ZPBP: variants seen among roughly 807,000 people sequenced by gnomAD.
ZPBP encodes the protein zona pellucida-binding protein 1.
In ZPBP, 26 loss-of-function variants were observed where a neutral mutation model predicts 44.8. That is an observed-to-expected ratio of 0.58 (90% CI 0.43 to 0.81). ZPBP has a LOEUF of 0.81. ZPBP is among the 30% of genes least tolerant of loss of function. ZPBP has a pLI of 0.00. For synonymous variants in ZPBP, 174 were observed against 153.2 expected (o/e 1.14, Z -1.00); for missense variants, 409 against 434.0 (o/e 0.94, Z 0.51).
chr7:49,973,358 T>G (rs1562811677), intron 7 of ZPBP, among the ~76,000 whole-genome samples: 1 of 151,754 alleles, frequency 6.6e-6, no homozygotes, highest in East Asian at 1.9e-4. Flanking sequence ...TAACAAAAAT[T>G]TATAGCTTTG....
intron 6 of ZPBP, among the ~76,000 whole-genome samples, chr7:49,987,103 C>A (rs1454212356): frequency 1.3e-5 from 2 of 152,092 alleles, no homozygotes; most frequent in Non-Finnish European, 2.9e-5. Flanking sequence ...GATTCTCTTC[C>A]CCTCCACGAA....
intron 2 of ZPBP, among the ~76,000 whole-genome samples, chr7:49,887,534 A>ATAC (rs1554339766): frequency 6.6e-6 from 1 of 151,754 alleles, no homozygotes; most frequent in East Asian, 1.9e-4. Context: ...ACCATGCTGT[A>ATAC]TTCTTAAATG....
At chr7:49,974,102 G>T (rs1227438411) in intron 7 of ZPBP, among the ~76,000 whole-genome samples, 1 of 152,106 alleles carries the variant, frequency 6.6e-6, no homozygotes, top group Non-Finnish European at 1.5e-5. Context: ...AATTCATAGA[G>T]ACCGAAAATA....
intron 5 of ZPBP, among the ~76,000 whole-genome samples, chr7:50,025,825 C>A (rs1344462293): frequency 6.6e-6 from 1 of 151,770 alleles, no homozygotes; most frequent in Non-Finnish European, 1.5e-5. Context: ...AAAAAACCCA[C>A]ACAACATAGA....
chr7:49,962,326 T>A lies in ZPBP; in HGVS notation c.961+21016A>T, dbSNP rs1025993956. ...GTGTATTTTATATTAGGGGAGTTTA[T>A]GTAAGGTTGCTTTAACATATGTCAA... is the stretch of plus-strand genomic sequence containing the variant. On this transcript the variant is annotated intron_variant, in intron 7 of 7. Transcript: ENST00000046087. Among the ~76,000 whole-genome samples the A allele has an allele frequency of 2.6e-5, 4 of 151,896 alleles. No individual in the cohort carries two copies. The East Asian group carries it at 7.7e-4, about 29-fold the overall frequency.
intron 7 of ZPBP, chr7:49,943,419 C>T: frequency 2.5e-6 from 1 of 408,112 alleles, no homozygotes; most frequent in South Asian, 2.1e-5. Flanking sequence ...CAATGGGGAC[C>T]ACATTGCAAA....
At chr7:49,901,484 G>A (rs1037058717) in intron 1 of ZPBP, among the ~76,000 whole-genome samples, 1 of 150,894 alleles carries the variant, frequency 6.6e-6, no homozygotes, top group East Asian at 1.9e-4. Context: ...GAAATACTTA[G>A]GTATAAAATT....
intron 6 of ZPBP, among the ~76,000 whole-genome samples, chr7:50,012,658 T>C (rs1489839032): frequency 6.7e-6 from 1 of 149,898 alleles, no homozygotes; most frequent in Non-Finnish European, 1.5e-5. Flanking sequence ...TTCCTCATTC[T>C]GATAAAAGGT....
chr7:49,852,665 G>GC (rs1790228226), intron 2 of ZPBP, among the ~76,000 whole-genome samples: 2 of 151,808 alleles, frequency 1.3e-5, no homozygotes, highest in South Asian at 4.2e-4. Context: ...TTCAGAAAGA[G>GC]CCCTACCACC....
At chr7:49,932,201 A>AG (rs1413416123) in intron 1 of ZPBP, among the ~76,000 whole-genome samples, 2 of 152,276 alleles carry the variant, frequency 1.3e-5, no homozygotes, top group East Asian at 3.9e-4. Flanking sequence ...TGCCTATTGG[A>AG]GCTGTGAGAA....
chr7:49,871,190 A>C (rs945019902), intron 2 of ZPBP, among the ~76,000 whole-genome samples: 2 of 152,190 alleles, frequency 1.3e-5, no homozygotes, highest in African/African-American at 4.8e-5. Flanking sequence ...ATAAAAACGA[A>C]TAATAATATC....
intron 7 of ZPBP, among the ~76,000 whole-genome samples, chr7:49,944,652 G>A (rs2128754822): frequency 6.6e-6 from 1 of 152,134 alleles, no homozygotes; most frequent in East Asian, 1.9e-4. Context: ...CCAATTTATT[G>A]GCATATAGTT....
chr7:49,851,085 G>C (rs1173148875), intron 2 of ZPBP, among the ~76,000 whole-genome samples: 6 of 152,210 alleles, frequency 3.9e-5, no homozygotes, highest in Non-Finnish European at 8.8e-5. Context: ...TCCGACGGCT[G>C]CTCCCTTACA....
chr7:49,861,858 T>C (rs1790663801), intron 2 of ZPBP, among the ~76,000 whole-genome samples: 1 of 152,242 alleles, frequency 6.6e-6, no homozygotes, highest in Admixed American at 6.5e-5. Context: ...TTTATATGTC[T>C]GTCCTTATGC....
chr7:49,894,499 C>T (rs985709020), intron 2 of ZPBP, among the ~76,000 whole-genome samples: 1 of 152,216 alleles, frequency 6.6e-6, no homozygotes, highest in African/African-American at 2.4e-5. Flanking sequence ...AACATAGTGG[C>T]AATTTATCCA....
intron 7 of ZPBP, among the ~76,000 whole-genome samples, chr7:49,959,581 C>A (rs1375056811): frequency 6.6e-6 from 1 of 151,914 alleles, no homozygotes; most frequent in Non-Finnish European, 1.5e-5. Flanking sequence ...ATGAAAACTA[C>A]AAAACATCCC....
At chr7:49,923,556 C>T (rs1794111375) in intron 1 of ZPBP, among the ~76,000 whole-genome samples, 1 of 152,146 alleles carries the variant, frequency 6.6e-6, no homozygotes, top group South Asian at 2.1e-4. Context: ...TAACTATTCC[C>T]TCACCGTGTC....
At chr7:50,030,967 CA>C in intron 5 of ZPBP, 124 bp downstream of exon 5, 1 of 821,972 alleles carries the variant, frequency 1.2e-6, no homozygotes, top group South Asian at 1.6e-5. Flanking sequence ...AAGTAGAGAA[CA>C]AAATATATTT....
chr7:49,950,884 G>C (rs184112403), intron 7 of ZPBP, among the ~76,000 whole-genome samples: 1 of 151,854 alleles, frequency 6.6e-6, no homozygotes, highest in Non-Finnish European at 1.5e-5. Flanking sequence ...AAACAGTGTG[G>C]TACTAACATA....
Sources: gnomAD v4.1 joint callset for allele counts (sites outside exome capture counted in the v4.1 genomes callset) on GRCh38, gnomAD v4.1.1 for gene constraint, MANE v1.5 for transcripts, NCBI Gene and HGNC (gene_info 2026-07-23, HGNC 2026-07-21) for gene names.